CATSPERD: variants seen among roughly 807,000 people sequenced by gnomAD.
The protein encoded by CATSPERD is cation channel sperm-associated auxiliary subunit delta.
Under a neutral mutation model 98.1 loss-of-function variants are expected in CATSPERD, and 86 were observed. The ratio of observed to expected loss-of-function variants is 0.88; its 90% CI spans 0.74 to 1.05. The LOEUF (loss-of-function observed/expected upper bound fraction) is 1.05, where lower values mean the gene tolerates loss of function less well. Ranked by LOEUF, CATSPERD falls within the 50% of genes least tolerant of loss-of-function variation. The probability of loss-of-function intolerance (pLI) is 0.00; values close to 1 mark genes in which losing one functional copy is unlikely to be tolerated. For missense variants in CATSPERD, 995 were observed against 1,005.7 expected, an observed-to-expected ratio of 0.99 and a Z score of 0.14; for synonymous variants, 394 against 390.2, an observed-to-expected ratio of 1.01 and a Z score of -0.12.
At chr19:5,723,754 C>A (rs2055547655) in intron 1 of CATSPERD, among the ~76,000 whole-genome samples, 1 of 150,942 alleles carries the variant, frequency 6.6e-6, no homozygotes, top group South Asian at 2.1e-4. Flanking sequence ...CGTGAGCCAC[C>A]ACACCTAGCC....
rs183150298 is a variant in CATSPERD at position 5,743,382 on chromosome 19, G to A, written c.574-1045G>A. On this transcript the variant is annotated intron_variant, in intron 7 of 21. Transcript: ENST00000381624. Reference sequence around the variant, plus strand: ...GGAGGCCGAGGTGGGCGGATCACCTGAGGTCAGGAGTTTGAGACCAGCCTG... The same window carrying A: ...GGAGGCCGAGGTGGGCGGATCACCTAAGGTCAGGAGTTTGAGACCAGCCTG... Among the ~76,000 whole-genome samples, 187 of 152,004 alleles carry A rather than the reference G, an allele frequency of 1.2e-3. 1 individual carries two copies. Among genetic ancestry groups the A allele is most frequent in the African/African-American group, 4.4e-3 (183 of 41,476 alleles).
Position 5,739,453 on chromosome 19 carries a change from G to T in CATSPERD, c.573+14G>T. Reference sequence around the variant, plus strand: ...TATGACAGACAGGTATGTTAAATTTGGTAAGAATGTGAAAATAAATACATA... The same window carrying T: ...TATGACAGACAGGTATGTTAAATTTTGTAAGAATGTGAAAATAAATACATA... On this transcript the variant is annotated intron_variant, in intron 7 of 21. Transcript: ENST00000381624. The T allele has an allele frequency of 1.5e-6, 2 of 1,362,772 alleles. No individual in the cohort carries two copies. Among genetic ancestry groups the T allele is most frequent in the East Asian group, 2.3e-5 (1 of 43,582 alleles). The allele number at this position is 1,362,772 out of a possible 1,614,324, so 84.4% of individuals were successfully genotyped here. A position where few individuals can be genotyped will look rare whatever the true frequency, so the allele number is the denominator to read the frequency against.
At chr19:5,742,198 GTACA>G (rs2055993113) in intron 7 of CATSPERD, among the ~76,000 whole-genome samples, 5 of 139,876 alleles carry the variant, frequency 3.6e-5, no homozygotes, top group Admixed American at 1.5e-4. Flanking sequence ...GTGTGTGCGT[GTACA>G]TGTGTGCATG....
In CATSPERD at chr19:5,730,715, T is replaced by C. The variant is rs376279327; in HGVS notation, c.276+771T>C. 2.1e-4 allele frequency among the ~76,000 whole-genome samples: 32 copies of C among 151,222 alleles called. No individual in the cohort carries two copies. The South Asian group carries it at 6.7e-3, about 32-fold the overall frequency. On this transcript the variant is annotated intron_variant, in intron 4 of 21. Coordinates refer to ENST00000381624, the MANE Select transcript of CATSPERD (RefSeq NM_152784.4). ...GGCTCACTTGAGTCCAGGAGTTCAA[T>C]ACCACCAGCCTGGGCGGCTGGGCAC...
intron 15 of CATSPERD, among the ~76,000 whole-genome samples, chr19:5,762,058 A>ATATATATATATATATATATATATATT: frequency 9.6e-5 from 1 of 10,444 alleles, no homozygotes; most frequent in Non-Finnish European, 1.8e-4. Flanking sequence ...ATATATATAT[A>ATATATATATATATATATATATATATT]TTTTTTTTTT....
intron 11 of CATSPERD, among the ~76,000 whole-genome samples, chr19:5,749,951 A>G (rs956669662): frequency 6.6e-6 from 1 of 150,802 alleles, no homozygotes; most frequent in Non-Finnish European, 1.5e-5. Flanking sequence ...TTACAGGCGC[A>G]TGCCACCACA....
At chr19:5,775,347 A>G (rs2056721704) in intron 20 of CATSPERD, 1 of 465,412 alleles carries the variant, frequency 2.1e-6, no homozygotes, top group African/African-American at 2.0e-5. Flanking sequence ...GAGTAGAAAC[A>G]GCAGGGAGGG....
At chr19:5,737,892 G>A (rs560161568) in intron 6 of CATSPERD, among the ~76,000 whole-genome samples, 1 of 151,856 alleles carries the variant, frequency 6.6e-6, no homozygotes, top group Non-Finnish European at 1.5e-5. Flanking sequence ...TAAGGACAGT[G>A]TAAGGCTTGA....
Position 5,729,893 on chromosome 19 carries a change from G to A in CATSPERD, c.225G>A (p.Met75Ile). 1 of 1,592,496 alleles carries A rather than the reference G, an allele frequency of 6.3e-7. No homozygotes were observed. Among genetic ancestry groups the A allele is most frequent in the Non-Finnish European group, 8.6e-7 (1 of 1,165,912 alleles). Residue 75 changes from methionine to isoleucine, a missense_variant, in exon 4 of 22, where the codon ATG (methionine) becomes ATA (isoleucine). Physicochemically the swap from Met to Ile is conservative, Grantham distance 10 (BLOSUM62 1). Coordinates refer to ENST00000381624, the MANE Select transcript of CATSPERD (RefSeq NM_152784.4). ...TCAGGAAACAAGTTTTTTTCACAAT[G>A]GATAACTTTGAGACTAGTCTCCTTC... ...LYLGKQVFFTMDNFETSLLPF... is the reference protein window; with the variant it reads ...LYLGKQVFFTIDNFETSLLPF...
intron 2 of CATSPERD, among the ~76,000 whole-genome samples, chr19:5,726,108 C>G (rs2055599560): frequency 1.3e-5 from 2 of 150,048 alleles, no homozygotes; most frequent in South Asian, 4.2e-4. Context: ...GTCACCCAGG[C>G]TGGAGTGCCG....
At position 5,754,007 on chromosome 19, in the gene CATSPERD, G is replaced by C. The variant is rs902611775; in HGVS notation, c.1165-125G>C. 17 of 697,226 alleles carry C rather than the reference G, an allele frequency of 2.4e-5. No individual in the cohort carries two copies. In the African/African-American group the frequency reaches 3.0e-4, roughly 12 times the overall value. The allele number at this position is 697,226 out of a possible 1,614,324, so 43.2% of individuals were successfully genotyped here. A position where few individuals can be genotyped will look rare whatever the true frequency, so the allele number is the denominator to read the frequency against. ...TGGAAATACAGAGTCTAGTGGGGAA[G>C]ACAGAGGCACAAGTGGAGATTCAGG... On this transcript the variant is annotated intron_variant, in intron 12 of 21. Coordinates refer to ENST00000381624, the MANE Select transcript of CATSPERD (RefSeq NM_152784.4).
rs375385002 is a variant in CATSPERD at position 5,778,547 on chromosome 19, G to C, written c.2268G>C (p.Lys756Asn). ...GCACAGCACGCGGCCGCAGGATCAAGAAGTGTGCGACACAGCTGTGTAGGA... is the reference window on the plus strand; with the variant it reads ...GCACAGCACGCGGCCGCAGGATCAACAAGTGTGCGACACAGCTGTGTAGGA... ...LLRTARGRRIKKCATQLCRRC... is the reference protein window; with the variant it reads ...LLRTARGRRINKCATQLCRRC... The change falls in exon 22 of 22, where the codon AAG becomes AAC. Residue 756 changes from lysine (K) to asparagine (N), a missense_variant. Physicochemically the swap from Lys to Asn is moderately conservative, Grantham distance 94. Transcript: ENST00000381624. The C allele has an allele frequency of 1.9e-5, 31 of 1,613,986 alleles. No individual in the cohort carries two copies. In the East Asian group the frequency reaches 6.5e-4, roughly 34 times the overall value.
intron 21 of CATSPERD, among the ~76,000 whole-genome samples, chr19:5,776,730 C>T (rs1347675930): frequency 6.6e-5 from 10 of 151,978 alleles, no homozygotes; most frequent in African/African-American, 1.9e-4. Flanking sequence ...AAAAATTAGC[C>T]GGCTGTGGTG....
chr19:5,758,759 A>G (rs1190910186), intron 14 of CATSPERD, among the ~76,000 whole-genome samples: 3 of 147,740 alleles, frequency 2.0e-5, no homozygotes, highest in East Asian at 3.9e-4. Flanking sequence ...AAAAGAGAAG[A>G]AAAAAAAGGC....
chr19:5,748,140 C>T lies in CATSPERD; in HGVS notation c.809-20C>T. 2 of 1,603,894 alleles carry T rather than the reference C, an allele frequency of 1.2e-6. No homozygotes were observed. Among genetic ancestry groups the T allele is most frequent in the Non-Finnish European group, 1.7e-6 (2 of 1,170,916 alleles). ...CAGGATGTACACGGGGCCTCATGCA[C>T]CTGTCCTGTTACCTCCTAGGTCAGC... On this transcript the variant is annotated intron_variant, in intron 9 of 21. Coordinates refer to ENST00000381624, the MANE Select transcript of CATSPERD (RefSeq NM_152784.4).
Position 5,751,812 on chromosome 19 carries a change from G to C in CATSPERD, c.1153G>C (p.Gly385Arg). The change falls in exon 12 of 22, where the codon GGA becomes CGA. Residue 385 changes from glycine to arginine, a missense_variant. By Grantham distance (125) the Gly-to-Arg change is moderately radical. Around this residue, in one of 3 missense-constraint regions of CATSPERD, gnomAD observed 762 missense variants for 773.7 expected, o/e 0.98. Coordinates refer to ENST00000381624, the MANE Select transcript of CATSPERD (RefSeq NM_152784.4). The stretch of plus-strand genomic sequence containing the variant: ...TCTCATGGACCCTGAACTCCACGTT[G>C]GAAAGTGCAAGGTATGTGATCCTAA... The part of the protein sequence containing the change: ...ALLMDPELHV[G>R]KCKIEFLTGE... The C allele has an allele frequency of 1.2e-6, 2 of 1,611,102 alleles. No homozygotes were observed. Among genetic ancestry groups the C allele is most frequent in the Non-Finnish European group, 1.7e-6 (2 of 1,178,730 alleles).
At chr19:5,758,753 G>GAGAAGAAAAAAA (rs2056375742) in intron 14 of CATSPERD, among the ~76,000 whole-genome samples, 1 of 147,698 alleles carries the variant, frequency 6.8e-6, no homozygotes, top group African/African-American at 2.5e-5. Context: ...AAAAAAAAAA[G>GAGAAGAAAAAAA]AGAAGAAAAA....
intron 20 of CATSPERD, among the ~76,000 whole-genome samples, chr19:5,774,107 A>C (rs913929270): frequency 5.3e-5 from 8 of 150,638 alleles, no homozygotes; most frequent in Admixed American, 2.0e-4. Flanking sequence ...AGCTGGACTT[A>C]CAAGCACCTG....
chr19:5,751,611 A>T, intron 11 of CATSPERD, 36 bp from the exon 12 acceptor site: 1 of 1,358,790 alleles, frequency 7.4e-7, no homozygotes, highest in East Asian at 2.9e-5. Context: ...AAAAACAATT[A>T]CAATGATTAG....
Sources: gnomAD v4.1 joint callset for allele counts (sites outside exome capture counted in the v4.1 genomes callset) on GRCh38, gnomAD v4.1.1 for gene constraint, gnomAD v4.1.1 regional missense constraint, MANE v1.5 for transcripts, NCBI Gene and HGNC (gene_info 2026-07-23, HGNC 2026-07-21) for gene names.